Variants in PIK3R6 observed in about 807,000 individuals in gnomAD.
PIK3R6 encodes phosphoinositide-3-kinase regulatory subunit 6, also known as phosphoinositide 3-kinase regulatory subunit 6.
In PIK3R6, 91 loss-of-function variants were observed where a neutral mutation model predicts 84.9. The observed-to-expected ratio is 1.07, with a 90% CI of 0.90 to 1.28. The LOEUF (loss-of-function observed/expected upper bound fraction) is 1.28, where lower values mean the gene tolerates loss of function less well. PIK3R6 is among the 50% of genes most tolerant of loss of function. The probability of loss-of-function intolerance (pLI) is 0.00; values close to 1 mark genes in which losing one functional copy is unlikely to be tolerated. For synonymous variants in PIK3R6, 416 were observed against 411.4 expected (o/e 1.01, Z -0.13); for missense variants, 996 against 985.1 (o/e 1.01, Z -0.15).
At chr17:8,831,372 G>A (rs989474939) in intron 9 of PIK3R6, among the ~76,000 whole-genome samples, 1 of 148,476 alleles carries the variant, frequency 6.7e-6, no homozygotes, top group Non-Finnish European at 1.5e-5. Context: ...GGCAAGTCTG[G>A]GCAGGAGACA....
chr17:8,810,194 AGC>A lies in PIK3R6; in HGVS notation c.1996-6043_1996-6042del, dbSNP rs767533244. On this transcript the variant is annotated intron_variant, in intron 18 of 19. Coordinates refer to ENST00000619866, the MANE Select transcript of PIK3R6 (RefSeq NM_001010855.4). Reference sequence around the variant, plus strand: ...CAAAGTCACGTCTAACATGGATGGCAGCAGGCAAAAAGAGAGCTTGTGCAGGG... The same window carrying A: ...CAAAGTCACGTCTAACATGGATGGCAAGGCAAAAAGAGAGCTTGTGCAGGG... Among the ~76,000 whole-genome samples the A allele has an allele frequency of 4.1e-5, 6 of 148,106 alleles. 1 individual carries two copies. Among genetic ancestry groups the A allele is most frequent in the Admixed American group, 1.4e-4 (2 of 14,526 alleles).
Position 8,803,619 on chromosome 17 carries a change from A to G in PIK3R6, c.2109-190T>C. 1 of 601,598 alleles carries G rather than the reference A, an allele frequency of 1.7e-6. No homozygotes were observed. 37.3% of individuals were successfully genotyped at this position (601,598 alleles called of 1,614,324 possible). On this transcript the variant is annotated intron_variant, in intron 19 of 19. Transcript: ENST00000619866. This position sits in a 1 kb window ranked among gnomAD's most constrained non-coding sequence, Gnocchi z 5.0. ...ACCTGGGCCTGGGGTTCACCGGGAG[A>G]GGAGACACTTGGAGCAAGTAACTCT... is the stretch of plus-strand genomic sequence containing the variant.
rs116281600 is a variant in PIK3R6, at chr17:8,820,979, G to T, written c.1879+867C>A. Among the ~76,000 whole-genome samples the T allele has an allele frequency of 9.0e-3, 1,374 of 152,244 alleles. 19 individuals are homozygous for T. Among genetic ancestry groups the T allele is most frequent in the African/African-American group, 0.032 (1,310 of 41,524 alleles). On this transcript the variant is annotated intron_variant, in intron 17 of 19. Transcript: ENST00000619866. ...TCATCCATTTTTAAAACAAATTTTT[G>T]AATGTAAAGTAGCATTTCATTTATT...
At chr17:8,838,436 G>A in intron 4 of PIK3R6, 128 bp downstream of exon 4, 1 of 702,014 alleles carries the variant, frequency 1.4e-6, no homozygotes, top group East Asian at 2.8e-5. Context: ...GGAGGGAGAT[G>A]CATATGGTAA....
At position 8,810,885 on chromosome 17, in the gene PIK3R6, A is replaced by C. The variant is rs1017372146; in HGVS notation, c.1996-6732T>G. Among the ~76,000 whole-genome samples, 51 of 148,548 alleles carry C rather than the reference A, an allele frequency of 3.4e-4. 4 individuals carry two copies. Among genetic ancestry groups the C allele is most frequent in the African/African-American group, 1.3e-3 (50 of 39,858 alleles). The stretch of plus-strand genomic sequence containing the variant: ...TGCAGCTTTTCTAGGCACACGTGCA[A>C]GCTGTCAGTGGATCTATCATTCTGG... On this transcript the variant is annotated intron_variant, in intron 18 of 19. Transcript: ENST00000619866.
chr17:8,814,924 G>GAA, intron 18 of PIK3R6, among the ~76,000 whole-genome samples: 1 of 151,384 alleles, frequency 6.6e-6, no homozygotes, highest in South Asian at 2.1e-4. Flanking sequence ...CAAAGAGAGA[G>GAA]AGAAAAGAAA....
chr17:8,864,662 C>T (rs1022571675), intron 1 of PIK3R6, among the ~76,000 whole-genome samples: 7 of 151,308 alleles, frequency 4.6e-5, no homozygotes, highest in Non-Finnish European at 8.8e-5. Context: ...CTCAGCCTCC[C>T]GAGTACCTGG....
intron 11 of PIK3R6, 128 bp downstream of exon 11, chr17:8,828,439 C>T: frequency 2.4e-6 from 3 of 1,240,268 alleles, no homozygotes; most frequent in Non-Finnish European, 3.3e-6. Flanking sequence ...GCGGCATCCT[C>T]CTCCGTCCCA....
intron 2 of PIK3R6, among the ~76,000 whole-genome samples, chr17:8,843,112 A>C (rs909598469): frequency 6.6e-6 from 1 of 152,190 alleles, no homozygotes; most frequent in Admixed American, 6.5e-5. Context: ...TGCTGGGCAG[A>C]GCATCATCTC....
intron 3 of PIK3R6, 41 bp from the exon 4 acceptor site, chr17:8,838,696 C>A (rs1230162857): frequency 1.3e-6 from 2 of 1,542,336 alleles, no homozygotes; most frequent in Non-Finnish European, 1.8e-6. Flanking sequence ...AGCAGGTGGG[C>A]AGTTCTTAGA....
At chr17:8,838,002 G>T in intron 4 of PIK3R6, 131 bp from the exon 5 acceptor site, 1 of 747,380 alleles carries the variant, frequency 1.3e-6, no homozygotes, top group Non-Finnish European at 2.4e-6. Context: ...AAGGGCCATT[G>T]TCTGCTCTGG....
intron 10 of PIK3R6, 77 bp downstream of exon 10, chr17:8,829,629 G>GAC (rs1302057388): frequency 1.4e-6 from 2 of 1,396,892 alleles, no homozygotes; most frequent in Admixed American, 2.1e-5. Context: ...CATGCACACT[G>GAC]ACACACACTC....
chr17:8,859,679 C>A (rs914519524), intron 1 of PIK3R6, among the ~76,000 whole-genome samples: 2 of 152,196 alleles, frequency 1.3e-5, no homozygotes, highest in Non-Finnish European at 2.9e-5. Context: ...TGTGCTTCAG[C>A]TGGGACATCC....
chr17:8,827,226 C>T lies in PIK3R6; in HGVS notation c.1461G>A (p.Trp487Ter), dbSNP rs1343705202. Residue 487 changes from tryptophan (W) to a stop codon, truncating the protein, a stop_gained, in exon 13 of 20, where the codon TGG becomes TGA. Transcript: ENST00000619866. LOFTEE classifies it high-confidence loss of function. ...ACAGCGTGTTGACGTTGCTCTGGTA[C>T]CACGGGTCTACGCGGCCCAGGAACG... Reference protein sequence around the residue: ...LATFLGRVDPWYQSNVNTLCP... With the variant: ...LATFLGRVDP 6.2e-7 allele frequency: 1 copy of T among 1,606,008 alleles called. No individual in the cohort carries two copies. The highest frequency in any genetic ancestry group is 8.5e-7 in the Non-Finnish European group (1 of 1,176,496).
At chr17:8,819,766 G>T (rs982258030) in intron 17 of PIK3R6, among the ~76,000 whole-genome samples, 1 of 135,414 alleles carries the variant, frequency 7.4e-6, no homozygotes, top group African/African-American at 2.8e-5. Context: ...ACGTATATAT[G>T]TATATATACG....
Position 8,837,807 on chromosome 17 carries a change from G to A in PIK3R6, c.254C>T (p.Thr85Ile). 1 of 1,613,422 alleles carries A rather than the reference G, an allele frequency of 6.2e-7. No individual in the cohort carries two copies. Among genetic ancestry groups the A allele is most frequent in the Non-Finnish European group, 8.5e-7 (1 of 1,179,510 alleles). ...PLLHTVMYVL[T>I]KATGITEELY... is the part of the protein sequence containing the mutation. ...CGACCTCAGTCCCCAGCTCACCTTG[G>A]TGAGCACGTACATTACAGTGTGCAG... Residue 85 changes from threonine (T) to isoleucine (I), a missense_variant, in exon 5 of 20, where the codon ACC becomes ATC. By Grantham distance (89) the Thr-to-Ile change is moderately conservative. Coordinates refer to ENST00000619866, the MANE Select transcript of PIK3R6 (RefSeq NM_001010855.4).
chr17:8,816,306 C>T (rs1291224133), intron 18 of PIK3R6, among the ~76,000 whole-genome samples: 2 of 152,184 alleles, frequency 1.3e-5, no homozygotes, highest in Non-Finnish European at 2.9e-5. Flanking sequence ...ATTTTAACAT[C>T]TCTAATTAGG....
Position 8,837,797 on chromosome 17 carries a change from G to A in PIK3R6, c.258+6C>T. ...ACTACCACCTCGACCTCAGTCCCCAGCTCACCTTGGTGAGCACGTACATTA... is the reference window on the plus strand; with the variant it reads ...ACTACCACCTCGACCTCAGTCCCCAACTCACCTTGGTGAGCACGTACATTA... On this transcript the variant is annotated splice_donor_region_variant and intron_variant, in intron 5 of 19. Transcript: ENST00000619866. 1 of 1,612,502 alleles carries A rather than the reference G, an allele frequency of 6.2e-7. No individual in the cohort carries two copies. Among genetic ancestry groups the A allele is most frequent in the Non-Finnish European group, 8.5e-7 (1 of 1,178,706 alleles).
At chr17:8,829,046 C>G in intron 10 of PIK3R6, 56 bp from the exon 11 acceptor site, 1 of 1,447,162 alleles carries the variant, frequency 6.9e-7, no homozygotes. Flanking sequence ...GGCTACGTTT[C>G]TGATTTCAGC....
Sources: gnomAD v4.1 joint callset for allele counts (sites outside exome capture counted in the v4.1 genomes callset) on GRCh38, gnomAD v4.1.1 for gene constraint, Gnocchi (gnomAD v3.1) non-coding constraint, MANE v1.5 for transcripts, NCBI Gene and HGNC (gene_info 2026-07-23, HGNC 2026-07-21) for gene names.